ST18: variants seen among roughly 807,000 people sequenced by gnomAD.
The protein encoded by ST18 is ST18 C2H2C-type zinc finger transcription factor, also known as suppression of tumorigenicity 18 protein.
A neutral mutation model predicts 110.0 loss-of-function variants in ST18; 50 were observed. The ratio of observed to expected loss-of-function variants is 0.45; its 90% CI spans 0.36 to 0.58. The LOEUF is 0.58. Ranked by LOEUF, ST18 falls within the 20% of genes least tolerant of loss-of-function variation. The pLI is 0.00. For missense variants in ST18, 1,306 were observed against 1,280.1 expected (o/e 1.02, Z -0.31); for synonymous variants, 461 against 452.4 (o/e 1.02, Z -0.24).
intron 23 of ST18, among the ~76,000 whole-genome samples, chr8:52,124,420 C>T (rs909616252): frequency 3.9e-5 from 6 of 152,048 alleles, no homozygotes; most frequent in Admixed American, 6.6e-5. Flanking sequence ...GTGATCTGCC[C>T]GCCTCGGCCT....
intron 9 of ST18, among the ~76,000 whole-genome samples, chr8:52,175,783 G>C (rs1365129749): frequency 6.6e-6 from 1 of 152,134 alleles, no homozygotes; most frequent in Non-Finnish European, 1.5e-5. Flanking sequence ...CACATGCCCA[G>C]CCAGTGCAAG....
At chr8:52,222,347 G>C (rs2087127721) in intron 3 of ST18, among the ~76,000 whole-genome samples, 3 of 152,138 alleles carry the variant, frequency 2.0e-5, no homozygotes, top group Admixed American at 2.0e-4. Context: ...TCAGTGGTTA[G>C]TTGGTTCTCA....
chr8:52,361,069 A>G (rs1015512535), intron 2 of ST18, among the ~76,000 whole-genome samples: 1 of 152,332 alleles, frequency 6.6e-6, no homozygotes, highest in Non-Finnish European at 1.5e-5. Context: ...CATGCATTGT[A>G]TATAAGCTTG....
At chr8:52,294,760 A>T (rs2139409337) in intron 2 of ST18, among the ~76,000 whole-genome samples, 2 of 152,272 alleles carry the variant, frequency 1.3e-5, no homozygotes, top group South Asian at 4.1e-4. Flanking sequence ...AGCACCATAA[A>T]ATTTGTCTCT....
At chr8:52,352,661 G>A (rs1385968763) in intron 2 of ST18, among the ~76,000 whole-genome samples, 1 of 152,184 alleles carries the variant, frequency 6.6e-6, no homozygotes, top group African/African-American at 2.4e-5. Context: ...GCCAGGCCCC[G>A]TGCTGGGCAC....
intron 2 of ST18, among the ~76,000 whole-genome samples, chr8:52,286,895 C>T (rs2095479526): frequency 6.6e-6 from 1 of 151,968 alleles, no homozygotes; most frequent in Admixed American, 6.6e-5. Context: ...GGGGCTGTGG[C>T]TTGGAAGTCT....
intron 2 of ST18, among the ~76,000 whole-genome samples, chr8:52,279,854 G>A (rs1194149550): frequency 1.3e-5 from 2 of 152,150 alleles, no homozygotes; most frequent in Non-Finnish European, 2.9e-5. Context: ...CCTCTAAGGT[G>A]TCTCCTAAAG....
In ST18 at chr8:52,247,957, T is replaced by A. The variant is rs151064691; in HGVS notation, c.-464-17880A>T. On this transcript the variant is annotated intron_variant, in intron 2 of 25. Transcript: ENST00000689386. ...GCTATTGTTAAAACAATACTTAGAG[T>A]TGGTAATATACAACATACATTACAT... Among the ~76,000 whole-genome samples the A allele has an allele frequency of 7.2e-5, 11 of 152,280 alleles. No homozygotes were observed. The East Asian group carries it at 2.1e-3, about 29-fold the overall frequency.
At chr8:52,138,093 C>CA (rs35928892) in intron 17 of ST18, among the ~76,000 whole-genome samples, 4,959 of 59,216 alleles carry the variant, frequency 0.084, 230 homozygotes, top group African/African-American at 0.16. Context: ...AACTCTGTCT[C>CA]AAAAAAAAAA....
rs539878854 is a variant in ST18 at position 52,139,886 on chromosome 8, TAA to T, written c.2169-2405_2169-2404del. Among the ~76,000 whole-genome samples, 50 of 152,346 alleles carry T rather than the reference TAA, an allele frequency of 3.3e-4. 1 individual carries two copies. In the South Asian group the frequency reaches 9.5e-3, roughly 29 times the overall value. ...CAGTTTGGAATTTTGATAGCTAGAC[TAA>T]ATTCCGAATCTACAGTGAAAAATTT... is the stretch of plus-strand genomic sequence containing the variant. On this transcript the variant is annotated intron_variant, in intron 17 of 25. Transcript: ENST00000689386.
intron 2 of ST18, among the ~76,000 whole-genome samples, chr8:52,388,198 T>A (rs1837652853): frequency 6.6e-6 from 1 of 152,194 alleles, no homozygotes; most frequent in Non-Finnish European, 1.5e-5. Context: ...CGATGTCATC[T>A]GTGAGAAACA....
At chr8:52,209,788 AATATATAT>A (rs55960327) in intron 8 of ST18, among the ~76,000 whole-genome samples, 2 of 105,698 alleles carry the variant, frequency 1.9e-5, no homozygotes, top group African/African-American at 9.0e-5. Flanking sequence ...AAAAAAAAAA[AATATATAT>A]ATATATATAT....
intron 2 of ST18, chr8:52,296,616 C>T (rs1351064697): frequency 6.6e-6 from 1 of 152,158 alleles, no homozygotes; most frequent in African/African-American, 2.4e-5. Context: ...TTCCTTATCT[C>T]TAGAATGGGG....
At chr8:52,187,075 C>T (rs17292085) in intron 8 of ST18, among the ~76,000 whole-genome samples, 4,191 of 152,208 alleles carry the variant, frequency 0.028, 86 homozygotes, top group Non-Finnish European at 0.045. Flanking sequence ...GGTCCATTTG[C>T]AGCCTGGTAT....
intron 2 of ST18, chr8:52,248,547 G>A (rs2094037821): frequency 6.6e-6 from 1 of 152,184 alleles, no homozygotes; most frequent in Non-Finnish European, 1.5e-5. Context: ...ATCTAAGGCA[G>A]ACAGACATTT....
chr8:52,213,333 T>C (rs1204585903), intron 7 of ST18, among the ~76,000 whole-genome samples: 3 of 152,070 alleles, frequency 2.0e-5, no homozygotes, highest in African/African-American at 4.8e-5. Context: ...TACACAAATA[T>C]AGATAACGAA....
intron 15 of ST18, among the ~76,000 whole-genome samples, chr8:52,158,612 A>G (rs761219055): frequency 4.6e-5 from 7 of 152,180 alleles, no homozygotes; most frequent in Non-Finnish European, 1.0e-4. Flanking sequence ...CAGCTTTGAA[A>G]TGTGTAAATT....
At chr8:52,177,352 C>T (rs1377279756) in intron 9 of ST18, among the ~76,000 whole-genome samples, 1 of 152,200 alleles carries the variant, frequency 6.6e-6, no homozygotes. Context: ...CATTCAAGCT[C>T]CTGACCTCAG....
intron 8 of ST18, chr8:52,194,685 C>G (rs1027871846): frequency 6.6e-6 from 1 of 152,208 alleles, no homozygotes; most frequent in Non-Finnish European, 1.5e-5. Context: ...CTGCCCAGCT[C>G]CCCGCCACTG....
Sources: gnomAD v4.1 joint callset for allele counts (sites outside exome capture counted in the v4.1 genomes callset) on GRCh38, gnomAD v4.1.1 for gene constraint, MANE v1.5 for transcripts, NCBI Gene and HGNC (gene_info 2026-07-23, HGNC 2026-07-21) for gene names.